RELN: variants seen among roughly 807,000 people sequenced by gnomAD.
RELN encodes reelin.
Under a neutral mutation model 427.6 loss-of-function variants are expected in RELN, and 108 were observed. That is an observed-to-expected ratio of 0.25 (90% confidence interval 0.22 to 0.30). The LOEUF (loss-of-function observed/expected upper bound fraction) is 0.30. Ranked by LOEUF, RELN falls within the 10% of genes least tolerant of loss-of-function variation. RELN has a pLI of 1.00. For synonymous variants in RELN, 1,524 were observed against 1,513.4 expected (o/e 1.01, Z -0.16); for missense variants, 3,715 against 4,302.8 (o/e 0.86, Z 3.82).
chr7:103,989,356 T>TGCCGCCGTCGCCGCC lies in RELN; in HGVS notation c.-1_1insGGCGGCGACGGCGGC. 1 of 1,407,848 alleles carries TGCCGCCGTCGCCGCC rather than the reference T, an allele frequency of 7.1e-7. No individual in the cohort carries two copies. 87.2% of individuals were successfully genotyped at this position (1,407,848 alleles called of 1,614,324 possible). A position where few individuals can be genotyped will look rare whatever the true frequency, so the allele number is the denominator to read the frequency against. On this transcript the variant is annotated 5_prime_UTR_variant, in exon 1 of 65. Transcript: ENST00000428762. This position sits in a 1 kb window ranked among gnomAD's most constrained non-coding sequence, Gnocchi z 4.9. ...TGCCGGGCCCAGCCACTGCGCTCCA[T>TGCCGCCGTCGCCGCC]GCCGCCGCCGCCGCCGCCGCCGCCG...
At chr7:103,605,276 G>A (rs1831791905) in intron 22 of RELN, among the ~76,000 whole-genome samples, 1 of 152,162 alleles carries the variant, frequency 6.6e-6, no homozygotes, top group African/African-American at 2.4e-5. Flanking sequence ...TTTTGGGGTT[G>A]AGGGGACATA....
At position 103,510,968 on chromosome 7, in the gene RELN, T is replaced by A. The variant is rs1432672559; in HGVS notation, c.8157A>T (p.Val2719=). The A allele has an allele frequency of 6.2e-7, 1 of 1,613,748 alleles. No individual in the cohort carries two copies. The highest frequency in any genetic ancestry group is 8.5e-7 in the Non-Finnish European group (1 of 1,179,678). Residue 2719 remains valine (V), a synonymous_variant, in exon 51 of 65, where the codon GTA becomes GTT. Coordinates refer to ENST00000428762, the MANE Select transcript of RELN (RefSeq NM_005045.4). The stretch of plus-strand genomic sequence containing the variant: ...CATCAGGGGAGTCACAGAATCTTTC[T>A]ACTGTACAATCATCATGGAATAGCC... ...EHWLFHDDCT[V]ERFCDSPDGV... is the part of the protein sequence containing the mutation.
chr7:103,715,615 T>C (rs12705149), intron 8 of RELN, among the ~76,000 whole-genome samples: 22,271 of 152,188 alleles, frequency 0.15, 1,696 homozygotes, highest in South Asian at 0.19. Context: ...AATGAACAGC[T>C]GTCCTCCTCC....
intron 16 of RELN, among the ~76,000 whole-genome samples, chr7:103,641,185 T>C (rs1007637691): frequency 6.6e-5 from 10 of 152,218 alleles, no homozygotes; most frequent in African/African-American, 2.2e-4. Context: ...ATTAATTCTT[T>C]TGTTAATCAG....
intron 8 of RELN, among the ~76,000 whole-genome samples, chr7:103,702,295 G>T (rs986553608): frequency 6.6e-6 from 1 of 152,162 alleles, no homozygotes; most frequent in African/African-American, 2.4e-5. Flanking sequence ...GTCTAGCAAA[G>T]AATCTGTGAT....
chr7:103,646,574 G>T (rs1353145330), intron 16 of RELN, among the ~76,000 whole-genome samples: 1 of 151,888 alleles, frequency 6.6e-6, no homozygotes, highest in Non-Finnish European at 1.5e-5. Context: ...GAAGCAGGAA[G>T]AAATAGAAAT....
chr7:103,773,715 T>G (rs554326679), intron 4 of RELN, among the ~76,000 whole-genome samples: 1 of 151,742 alleles, frequency 6.6e-6, no homozygotes, highest in African/African-American at 2.4e-5. Flanking sequence ...AGTGATCTGC[T>G]TGCCTCAGCC....
At chr7:103,578,378 G>A (rs931604088) in intron 28 of RELN, among the ~76,000 whole-genome samples, 5 of 152,160 alleles carry the variant, frequency 3.3e-5, no homozygotes, top group Non-Finnish European at 7.4e-5. Context: ...AATAGGGTAA[G>A]TCCAGAACAT....
intron 57 of RELN, among the ~76,000 whole-genome samples, 182 bp from the exon 58 acceptor site, chr7:103,492,208 G>A (rs1363688737): frequency 1.3e-5 from 2 of 152,060 alleles, no homozygotes; most frequent in Non-Finnish European, 2.9e-5. Flanking sequence ...GTTCAATTTT[G>A]CATGGAGATA....
At chr7:103,921,514 A>C (rs1271816097) in intron 1 of RELN, among the ~76,000 whole-genome samples, 1 of 152,204 alleles carries the variant, frequency 6.6e-6, no homozygotes, top group Non-Finnish European at 1.5e-5. Flanking sequence ...GAAAATATCA[A>C]TATTATCGAT....
chr7:103,476,991 C>CT (rs1828059070), intron 64 of RELN, among the ~76,000 whole-genome samples: 1 of 152,166 alleles, frequency 6.6e-6, no homozygotes, highest in African/African-American at 2.4e-5. Flanking sequence ...AGCTATGCCA[C>CT]TTGACATATC....
At chr7:103,629,316 C>T (rs1420074577) in intron 20 of RELN, among the ~76,000 whole-genome samples, 1 of 152,026 alleles carries the variant, frequency 6.6e-6, no homozygotes, top group Non-Finnish European at 1.5e-5. Flanking sequence ...CGCATATGAC[C>T]ACAGGAGGAA....
At chr7:103,751,539 G>A (rs888007036) in intron 5 of RELN, among the ~76,000 whole-genome samples, 2 of 152,210 alleles carry the variant, frequency 1.3e-5, no homozygotes, top group Non-Finnish European at 2.9e-5. Flanking sequence ...TGGAGAGAAC[G>A]CTGTGATGTA....
At position 103,496,706 on chromosome 7, in the gene RELN, A is replaced by G. The variant is rs1349439859; in HGVS notation, c.9013T>C (p.Tyr3005His). The stretch of plus-strand genomic sequence containing the variant: ...AGGGCATCTTCAGGAAGAAGTATGT[A>G]GTCGTGTCTAACAGAAATGTATTTC... ...YQKYISVRHD[Y>H]ILLPEDALTN... The change falls in exon 56 of 65, where the codon TAC becomes CAC. Residue 3005 changes from tyrosine to histidine, a missense_variant. Around this residue, in one of 4 missense-constraint regions of RELN, gnomAD observed 1,310 missense variants for 1,643.0 expected, o/e 0.80. Transcript: ENST00000428762. The G allele has an allele frequency of 1.2e-6, 2 of 1,614,048 alleles. No individual in the cohort carries two copies. Among genetic ancestry groups the G allele is most frequent in the Non-Finnish European group, 1.7e-6 (2 of 1,180,008 alleles).
chr7:103,989,464 G>T lies in RELN; in HGVS notation c.-108C>A, dbSNP rs1362450614. ...CGCGGAGAGAAGGCGAGAAGAAGGC[G>T]GACGGGAGCGGAACGGGCTCGGGAG... On this transcript the variant is annotated 5_prime_UTR_variant, in exon 1 of 65. Transcript: ENST00000428762. This position sits in a 1 kb window ranked among gnomAD's most constrained non-coding sequence, Gnocchi z 4.9. 1.9e-5 allele frequency: 19 copies of T among 976,764 alleles called. No individual in the cohort carries two copies. Among genetic ancestry groups the T allele is most frequent in the Non-Finnish European group, 2.6e-5 (19 of 725,602 alleles). 60.5% of individuals were successfully genotyped at this position (976,764 alleles called of 1,614,324 possible). A position where few individuals can be genotyped will look rare whatever the true frequency, so the allele number is the denominator to read the frequency against.
intron 3 of RELN, among the ~76,000 whole-genome samples, chr7:103,809,131 A>G (rs1792672719): frequency 6.6e-6 from 1 of 152,220 alleles, no homozygotes; most frequent in Non-Finnish European, 1.5e-5. Context: ...TCAGTGCATT[A>G]CAATTCTGAG....
intron 42 of RELN, among the ~76,000 whole-genome samples, chr7:103,543,206 G>A (rs373384391): frequency 1.3e-5 from 2 of 152,300 alleles, no homozygotes; most frequent in East Asian, 1.9e-4. Context: ...CAGGCCATCA[G>A]GAAGGTGGGG....
intron 1 of RELN, among the ~76,000 whole-genome samples, chr7:103,981,845 A>G (rs1278348166): frequency 6.6e-6 from 1 of 152,228 alleles, no homozygotes; most frequent in African/African-American, 2.4e-5. Flanking sequence ...TTTATAAAAT[A>G]TTCTTTATCA....
intron 6 of RELN, among the ~76,000 whole-genome samples, chr7:103,745,250 T>C (rs1365966524): frequency 2.6e-5 from 4 of 152,086 alleles, no homozygotes; most frequent in African/African-American, 4.8e-5. Context: ...AAATCAGGTA[T>C]TGATGGGATG....
Sources: allele counts gnomAD v4.1 joint callset (sites outside exome capture counted in the v4.1 genomes callset), GRCh38; gene constraint gnomAD v4.1.1; regional missense constraint gnomAD v4.1.1; non-coding constraint Gnocchi (gnomAD v3.1); transcripts MANE v1.5; gene names NCBI Gene and HGNC (gene_info 2026-07-23, HGNC 2026-07-21).